Variants in CDK5RAP2 observed in about 807,000 individuals in gnomAD.
The protein encoded by CDK5RAP2 is CDK5 regulatory subunit-associated protein 2.
In CDK5RAP2, 147 loss-of-function variants were observed where a neutral mutation model predicts 232.9. The ratio of observed to expected loss-of-function variants is 0.63; its 90% CI spans 0.55 to 0.72. The LOEUF (loss-of-function observed/expected upper bound fraction) is 0.72, where lower values mean the gene tolerates loss of function less well. Among genes scored for constraint, CDK5RAP2 ranks in the 30% least tolerant of loss-of-function variants. CDK5RAP2 has a pLI of 0.00. For synonymous variants in CDK5RAP2, 833 were observed against 833.7 expected, an observed-to-expected ratio of 1.00 and a Z score of 0.01; for missense variants, 2,195 against 2,231.5, an observed-to-expected ratio of 0.98 and a Z score of 0.33.
At chr9:120,461,144 C>T (rs1454030221) in intron 18 of CDK5RAP2, among the ~76,000 whole-genome samples, 1 of 152,228 alleles carries the variant, frequency 6.6e-6, no homozygotes, top group Non-Finnish European at 1.5e-5. Flanking sequence ...CTATTTAGCG[C>T]AAGGCATAAA....
At chr9:120,441,528 G>C (rs553484906) in intron 23 of CDK5RAP2, among the ~76,000 whole-genome samples, 1 of 152,334 alleles carries the variant, frequency 6.6e-6, no homozygotes, top group East Asian at 1.9e-4. Context: ...GCCCTTCACC[G>C]GAGGCGTGCG....
chr9:120,547,039 T>C (rs1386844236), intron 4 of CDK5RAP2, among the ~76,000 whole-genome samples: 2 of 151,982 alleles, frequency 1.3e-5, no homozygotes, highest in East Asian at 1.9e-4. Flanking sequence ...CAGTCTGGAG[T>C]GCAGTGGTGC....
At chr9:120,438,400 G>C (rs1296853850) in intron 24 of CDK5RAP2, among the ~76,000 whole-genome samples, 1 of 152,200 alleles carries the variant, frequency 6.6e-6, no homozygotes, top group Admixed American at 6.5e-5. Context: ...GTGTGCACAT[G>C]CAGATTACAT....
In CDK5RAP2 at chr9:120,439,388, G is replaced by T; in HGVS notation, c.3722+11C>A. On this transcript the variant is annotated intron_variant, in intron 24 of 37. Coordinates refer to ENST00000349780, the MANE Select transcript of CDK5RAP2 (RefSeq NM_018249.6). ...AGGCTTAAACGGGGAGACGGCAGAG[G>T]TGGAACGTACCTGGGAGGTGAGAGA... is the stretch of plus-strand genomic sequence containing the variant. 1 of 1,610,694 alleles carries T rather than the reference G, an allele frequency of 6.2e-7. No homozygotes were observed. The highest frequency in any genetic ancestry group is 8.5e-7 in the Non-Finnish European group (1 of 1,177,166).
chr9:120,552,521 G>C (rs2042081112), intron 3 of CDK5RAP2, among the ~76,000 whole-genome samples: 1 of 152,016 alleles, frequency 6.6e-6, no homozygotes, highest in Admixed American at 6.6e-5. Context: ...CCATAAAAAA[G>C]GATGAATTCA....
chr9:120,470,133 G>T lies in CDK5RAP2; in HGVS notation c.1946C>A (p.Ser649Tyr), dbSNP rs1472314758. Residue 649 changes from serine to tyrosine, a missense_variant, in exon 17 of 38, where the codon TCT becomes TAT. Coordinates refer to ENST00000349780, the MANE Select transcript of CDK5RAP2 (RefSeq NM_018249.6). ...TACCTTTTTCTTAAGTTCTTCTTGA[G>T]AAAAATGTTCCACTTGAAACCGATT... ...ENNRFQVEHF[S>Y]QEELKKKVSD... 1 of 1,565,842 alleles carries T rather than the reference G, an allele frequency of 6.4e-7. No individual in the cohort carries two copies. The highest frequency in any genetic ancestry group is 1.4e-5 in the African/African-American group (1 of 73,924).
chr9:120,402,936 TGGC>T lies in CDK5RAP2; in HGVS notation c.5174_5176del (p.Arg1725del). ...ATAGTCCTCAATCAGGCCCAGGACA[TGGC>T]GGCCATTCTTGCTGGCCCACAGGTG... On this transcript the variant is annotated inframe_deletion, in exon 34 of 38. Transcript: ENST00000349780. The T allele has an allele frequency of 6.2e-7, 1 of 1,614,194 alleles. No homozygotes were observed. The highest frequency in any genetic ancestry group is 8.5e-7 in the Non-Finnish European group (1 of 1,180,042).
At chr9:120,494,780 G>C (rs1184894080) in intron 12 of CDK5RAP2, among the ~76,000 whole-genome samples, 1 of 141,954 alleles carries the variant, frequency 7.0e-6, no homozygotes, top group African/African-American at 2.9e-5. Flanking sequence ...GGCCCCAGAA[G>C]GGTCGAAGGC....
At chr9:120,448,232 G>A in intron 21 of CDK5RAP2, 106 bp from the exon 22 acceptor site, 3 of 950,164 alleles carry the variant, frequency 3.2e-6, no homozygotes, top group Non-Finnish European at 5.1e-6. Context: ...CGAACTGGCT[G>A]CCCAGACTTC....
At chr9:120,528,601 G>A in intron 9 of CDK5RAP2, 143 bp downstream of exon 9, 1 of 689,282 alleles carries the variant, frequency 1.5e-6, no homozygotes, top group Non-Finnish European at 2.7e-6. Flanking sequence ...CCTTTCTAGA[G>A]TACCTTATGC....
chr9:120,470,107 A>G lies in CDK5RAP2; in HGVS notation c.1968+4T>C. ...AAAAGCACTAAAAATTAATAGGTCA[A>G]TACCTTTTTCTTAAGTTCTTCTTGA... On this transcript the variant is annotated splice_donor_region_variant and intron_variant, in intron 17 of 37. Coordinates refer to ENST00000349780, the MANE Select transcript of CDK5RAP2 (RefSeq NM_018249.6). 1 of 1,415,970 alleles carries G rather than the reference A, an allele frequency of 7.1e-7. No homozygotes were observed. The highest frequency in any genetic ancestry group is 1.0e-6 in the Non-Finnish European group (1 of 1,004,996). 87.7% of individuals were successfully genotyped at this position (1,415,970 alleles called of 1,614,324 possible). A position where few individuals can be genotyped will look rare whatever the true frequency, so the allele number is the denominator to read the frequency against.
chr9:120,552,918 T>C (rs1027278070), intron 3 of CDK5RAP2, among the ~76,000 whole-genome samples: 1 of 151,896 alleles, frequency 6.6e-6, no homozygotes, highest in African/African-American at 2.4e-5. Context: ...AAAAAAGAGA[T>C]AAAGCAAATA....
rs150675529 is a variant in CDK5RAP2, at chr9:120,431,168, C to T, written c.3955+6127G>A. Among the ~76,000 whole-genome samples the T allele has an allele frequency of 4.1e-3, 618 of 152,112 alleles. 3 individuals carry two copies. Among genetic ancestry groups the T allele is most frequent in the African/African-American group, 0.014 (576 of 41,482 alleles). Reference sequence around the variant, plus strand: ...AGGAGATACACCTAATGCTAAATGACGAGTTAATGGGTGCAGCACACCAGC... The same window carrying T: ...AGGAGATACACCTAATGCTAAATGATGAGTTAATGGGTGCAGCACACCAGC... On this transcript the variant is annotated intron_variant, in intron 25 of 37. Coordinates refer to ENST00000349780, the MANE Select transcript of CDK5RAP2 (RefSeq NM_018249.6).
chr9:120,508,642 G>T (rs1396666371), intron 12 of CDK5RAP2, among the ~76,000 whole-genome samples: 1 of 152,038 alleles, frequency 6.6e-6, no homozygotes, highest in East Asian at 1.9e-4. Flanking sequence ...CCAAACCTTG[G>T]CACAGGCCTT....
rs542052559 is a variant in CDK5RAP2 at position 120,517,406 on chromosome 9, C to CT, written c.1311+1020dup. Among the ~76,000 whole-genome samples, 348 of 152,290 alleles carry CT rather than the reference C, an allele frequency of 2.3e-3. 2 individuals carry two copies. The highest frequency in any genetic ancestry group is 8.0e-3 in the African/African-American group (332 of 41,546). ...CTGGTACTCTTTTGAGTCCTCTACT[C>CT]TAATGACTGCCTGGCCCAGGATCTC... On this transcript the variant is annotated intron_variant, in intron 12 of 37. Coordinates refer to ENST00000349780, the MANE Select transcript of CDK5RAP2 (RefSeq NM_018249.6).
chr9:120,407,723 A>AC (rs1346600861), intron 31 of CDK5RAP2: 32 of 163,462 alleles, frequency 2.0e-4, no homozygotes, highest in Non-Finnish European at 3.5e-4. Flanking sequence ...AAAAAAAAAA[A>AC]AAAACACCTC....
At chr9:120,461,669 C>T (rs1045052430) in intron 18 of CDK5RAP2, among the ~76,000 whole-genome samples, 1 of 152,130 alleles carries the variant, frequency 6.6e-6, no homozygotes, top group African/African-American at 2.4e-5. Flanking sequence ...AGTGAGACAC[C>T]TGTCTCTACA....
chr9:120,509,288 C>G (rs1339489489), intron 12 of CDK5RAP2, among the ~76,000 whole-genome samples: 1 of 152,180 alleles, frequency 6.6e-6, no homozygotes, highest in Non-Finnish European at 1.5e-5. Flanking sequence ...CTGGTAGATT[C>G]TAGCAGGTGA....
chr9:120,567,534 G>A (rs1305590497), intron 3 of CDK5RAP2, among the ~76,000 whole-genome samples: 1 of 152,148 alleles, frequency 6.6e-6, no homozygotes, highest in Non-Finnish European at 1.5e-5. Context: ...GCACTGAACA[G>A]GTAACTTGTT....
Sources: gnomAD v4.1 joint callset for allele counts (sites outside exome capture counted in the v4.1 genomes callset) on GRCh38, gnomAD v4.1.1 for gene constraint, MANE v1.5 for transcripts, NCBI Gene and HGNC (gene_info 2026-07-23, HGNC 2026-07-21) for gene names.